ADCY2: variants seen among roughly 807,000 people sequenced by gnomAD.
ADCY2 encodes adenylate cyclase type 2.
A neutral mutation model predicts 125.2 loss-of-function variants in ADCY2; 31 were observed. The ratio of observed to expected loss-of-function variants is 0.25; its 90% CI spans 0.19 to 0.33. ADCY2 has a LOEUF of 0.33. ADCY2 is among the 10% of genes least tolerant of loss of function. ADCY2 has a pLI of 1.00. For synonymous variants in ADCY2, 512 were observed against 548.4 expected, an observed-to-expected ratio of 0.93 and a Z score of 0.93; for missense variants, 904 against 1,418.2, an observed-to-expected ratio of 0.64 and a Z score of 5.82.
At chr5:7,823,008 A>T (rs1350220426) in intron 24 of ADCY2, among the ~76,000 whole-genome samples, 1 of 152,094 alleles carries the variant, frequency 6.6e-6, no homozygotes, top group Non-Finnish European at 1.5e-5. Flanking sequence ...TTTCCTCTTT[A>T]AAAGACTGTC....
intron 20 of ADCY2, among the ~76,000 whole-genome samples, chr5:7,791,210 G>A (rs893889151): frequency 6.6e-6 from 1 of 152,012 alleles, no homozygotes; most frequent in East Asian, 1.9e-4. Context: ...CAGTTCCCAA[G>A]CTTAACTTTT....
At chr5:7,728,568 T>C (rs1219041418) in intron 14 of ADCY2, among the ~76,000 whole-genome samples, 1 of 152,076 alleles carries the variant, frequency 6.6e-6, no homozygotes, top group East Asian at 1.9e-4. Context: ...CAAATTAAGC[T>C]CCTTAGTGTC....
chr5:7,633,560 T>C (rs922565631), intron 4 of ADCY2, among the ~76,000 whole-genome samples: 1 of 152,238 alleles, frequency 6.6e-6, no homozygotes, highest in African/African-American at 2.4e-5. Flanking sequence ...GGTGTCTATT[T>C]ACATCATGGC....
At chr5:7,489,479 A>G (rs1308555119) in intron 2 of ADCY2, among the ~76,000 whole-genome samples, 3 of 152,108 alleles carry the variant, frequency 2.0e-5, no homozygotes, top group Non-Finnish European at 4.4e-5. Context: ...GCATGATTCT[A>G]TCACATCCCT....
At chr5:7,521,946 T>C (rs566729529) in intron 3 of ADCY2, among the ~76,000 whole-genome samples, 1 of 152,294 alleles carries the variant, frequency 6.6e-6, no homozygotes, top group African/African-American at 2.4e-5. Flanking sequence ...TTTTACACAG[T>C]GGGCTAGAGT....
chr5:7,707,038 C>A (rs549115658), intron 8 of ADCY2, 136 bp downstream of exon 8: 2 of 1,075,452 alleles, frequency 1.9e-6, no homozygotes, highest in Admixed American at 2.8e-5. Context: ...TCACGCCCAA[C>A]GGCCTCTTAT....
chr5:7,733,548 G>A (rs1021656432), intron 14 of ADCY2, among the ~76,000 whole-genome samples: 6 of 152,130 alleles, frequency 3.9e-5, no homozygotes, highest in Admixed American at 6.5e-5. Flanking sequence ...ATACATGTGC[G>A]TGTTACACAT....
intron 2 of ADCY2, among the ~76,000 whole-genome samples, chr5:7,474,319 C>T (rs1456062561): frequency 6.6e-6 from 1 of 152,126 alleles, no homozygotes; most frequent in Non-Finnish European, 1.5e-5. Context: ...CTTGGCCCTG[C>T]TTTATGGTGC....
intron 3 of ADCY2, among the ~76,000 whole-genome samples, chr5:7,536,247 G>A (rs1041548166): frequency 2.0e-5 from 3 of 152,218 alleles, no homozygotes; most frequent in African/African-American, 7.2e-5. Context: ...TGGGGTGGAA[G>A]TCCTATATTG....
intron 22 of ADCY2, among the ~76,000 whole-genome samples, chr5:7,807,212 C>T (rs2126527175): frequency 6.6e-6 from 1 of 152,322 alleles, no homozygotes; most frequent in African/African-American, 2.4e-5. Flanking sequence ...CTAACTCTGC[C>T]TCCATCAGAC....
In ADCY2 at chr5:7,802,476, T is replaced by C. The variant is rs1744628075; in HGVS notation, c.2775+112T>C. 2 of 1,259,338 alleles carry C rather than the reference T, an allele frequency of 1.6e-6. No individual in the cohort carries two copies. The highest frequency in any genetic ancestry group is 2.2e-6 in the Non-Finnish European group (2 of 923,466). The allele number at this position is 1,259,338 out of a possible 1,614,324, so 78.0% of individuals were successfully genotyped here. A position where few individuals can be genotyped will look rare whatever the true frequency, so the allele number is the denominator to read the frequency against. ...TCCCAAAAAAACTTGTCCTTTGGCA[T>C]AATTTCTGGCAGATGGCATTAAAGC... On this transcript the variant is annotated intron_variant, in intron 21 of 24. Transcript: ENST00000338316. The surrounding 1 kb of genome is among the most constrained non-coding windows in gnomAD (Gnocchi z 4.6).
intron 3 of ADCY2, among the ~76,000 whole-genome samples, chr5:7,553,174 C>T (rs535590875): frequency 3.3e-5 from 5 of 152,322 alleles, no homozygotes; most frequent in Middle Eastern, 3.4e-3. Context: ...TGTGAACCCA[C>T]GATCTCTGTA....
intron 4 of ADCY2, among the ~76,000 whole-genome samples, chr5:7,660,807 A>G (rs929374401): frequency 3.9e-5 from 6 of 152,126 alleles, no homozygotes; most frequent in Admixed American, 6.5e-5. Flanking sequence ...ATACTTTCAC[A>G]GTGACATCTA....
chr5:7,756,463 AG>A (rs1742994486), intron 15 of ADCY2, among the ~76,000 whole-genome samples: 1 of 152,238 alleles, frequency 6.6e-6, no homozygotes, highest in African/African-American at 2.4e-5. Context: ...GATAAAAAAA[AG>A]TATAGATCCA....
At position 7,613,233 on chromosome 5, in the gene ADCY2, C is replaced by T. The variant is rs546696963; in HGVS notation, c.571-12934C>T. 2.0e-5 allele frequency among the ~76,000 whole-genome samples: 3 copies of T among 152,032 alleles called. No homozygotes were observed. The East Asian group carries it at 5.8e-4, about 29-fold the overall frequency. ...TCTGAGACAGGCACACTGGAGAAGC[C>T]CTAGGAATCCCAGGAAACCAGAGAT... On this transcript the variant is annotated intron_variant, in intron 3 of 24. Coordinates refer to ENST00000338316, the MANE Select transcript of ADCY2 (RefSeq NM_020546.3).
chr5:7,585,445 A>G (rs1365297966), intron 3 of ADCY2, among the ~76,000 whole-genome samples: 5 of 152,202 alleles, frequency 3.3e-5, no homozygotes, highest in Admixed American at 3.3e-4. Flanking sequence ...TCCAGTCAGG[A>G]ACTTCACTGG....
intron 3 of ADCY2, among the ~76,000 whole-genome samples, chr5:7,579,285 G>A (rs959162200): frequency 6.6e-6 from 1 of 152,290 alleles, no homozygotes. Flanking sequence ...GGCCTTAGGG[G>A]AAACCCCACT....
At chr5:7,567,535 CTTTG>C (rs1355769111) in intron 3 of ADCY2, among the ~76,000 whole-genome samples, 3 of 151,958 alleles carry the variant, frequency 2.0e-5, no homozygotes, top group Non-Finnish European at 1.5e-5. Flanking sequence ...GTATAGCTTC[CTTTG>C]TTTGTGTGAA....
At chr5:7,718,634 T>C (rs1741668662) in intron 12 of ADCY2, among the ~76,000 whole-genome samples, 1 of 152,082 alleles carries the variant, frequency 6.6e-6, no homozygotes, top group South Asian at 2.1e-4. Context: ...GAACACTGAA[T>C]TGTCACCTGT....
Sources: gnomAD v4.1 joint callset for allele counts (sites outside exome capture counted in the v4.1 genomes callset) on GRCh38, gnomAD v4.1.1 for gene constraint, Gnocchi (gnomAD v3.1) non-coding constraint, MANE v1.5 for transcripts, NCBI Gene and HGNC (gene_info 2026-07-23, HGNC 2026-07-21) for gene names.